LRIG1: variants seen among roughly 807,000 people sequenced by gnomAD.
The protein encoded by LRIG1 is leucine-rich repeats and immunoglobulin-like domains protein 1.
In LRIG1, 48 loss-of-function variants were observed where a neutral mutation model predicts 99.2. The ratio of observed to expected loss-of-function variants is 0.48; its 90% CI spans 0.38 to 0.62. The LOEUF (loss-of-function observed/expected upper bound fraction) is 0.62, where lower values mean the gene tolerates loss of function less well. Among genes scored for constraint, LRIG1 ranks in the 20% least tolerant of loss-of-function variants. LRIG1 has a pLI of 0.00. For missense variants in LRIG1, 1,646 were observed against 1,434.4 expected (o/e 1.15, Z -2.38); for synonymous variants, 772 against 596.1 (o/e 1.29, Z -4.30).
At chr3:66,465,778 C>T (rs892711718) in intron 1 of LRIG1, among the ~76,000 whole-genome samples, 4 of 152,110 alleles carry the variant, frequency 2.6e-5, no homozygotes, top group Admixed American at 2.0e-4. Flanking sequence ...GTTGTGCAAC[C>T]ATCACCACCG....
Position 66,381,615 on chromosome 3 carries a change from A to G in LRIG1, c.2634T>C (p.Asp878=). 1 of 1,613,966 alleles carries G rather than the reference A, an allele frequency of 6.2e-7. No individual in the cohort carries two copies. The highest frequency in any genetic ancestry group is 2.2e-5 in the East Asian group (1 of 44,882). The change falls in exon 17 of 19, where the codon GAT becomes GAC. Residue 878 remains aspartate (D), a synonymous_variant. Coordinates refer to ENST00000273261, the MANE Select transcript of LRIG1 (RefSeq NM_015541.3). ...TGTCGGGCTCTGGAAAGTGGCTTGC[A>G]TCTCTTGGACACACACCTGCAAGTG... The part of the protein sequence containing the change: ...HIESNGVCPR[D]ASHFPEPDTH...
chr3:66,423,025 T>C (rs909744132), intron 3 of LRIG1, among the ~76,000 whole-genome samples: 12 of 152,164 alleles, frequency 7.9e-5, no homozygotes, highest in African/African-American at 2.9e-4. Context: ...ACCCTCATAA[T>C]TCAATCACCT....
In LRIG1 at chr3:66,407,455, C is replaced by T; in HGVS notation, c.972G>A (p.Glu324=). The change falls in exon 8 of 19, where the codon GAG becomes GAA. Residue 324 remains glutamate, a synonymous_variant. Transcript: ENST00000273261. The part of the protein sequence containing the change: ...LSFNNLTRLD[E]ESLAELSSLS... ...GGCTGCTCAGCTCGGCCAGGCTCTCCTCGTCCAGCCGTGTCAGGTTGTTGA... is the reference window on the plus strand; with the variant it reads ...GGCTGCTCAGCTCGGCCAGGCTCTCTTCGTCCAGCCGTGTCAGGTTGTTGA... 1.2e-6 allele frequency: 2 copies of T among 1,614,028 alleles called. No individual in the cohort carries two copies. Among genetic ancestry groups the T allele is most frequent in the African/African-American group, 1.3e-5 (1 of 75,034 alleles).
chr3:66,417,467 C>A, intron 3 of LRIG1: 1 of 593,924 alleles, frequency 1.7e-6, no homozygotes, highest in Non-Finnish European at 2.9e-6. Flanking sequence ...CAATCTGGGA[C>A]AAGTTTATCA....
At chr3:66,411,020 A>C (rs1702447327) in intron 6 of LRIG1, among the ~76,000 whole-genome samples, 3 of 152,214 alleles carry the variant, frequency 2.0e-5, no homozygotes, top group Non-Finnish European at 4.4e-5. Flanking sequence ...AAACCTGCAC[A>C]TCTACTAACA....
chr3:66,423,228 A>T (rs982075942), intron 3 of LRIG1, among the ~76,000 whole-genome samples: 2 of 152,214 alleles, frequency 1.3e-5, no homozygotes, highest in African/African-American at 4.8e-5. Flanking sequence ...CATTTTAAAA[A>T]ATACTTCAGA....
chr3:66,445,990 T>C (rs917939625), intron 3 of LRIG1, among the ~76,000 whole-genome samples: 1 of 152,182 alleles, frequency 6.6e-6, no homozygotes, highest in Non-Finnish European at 1.5e-5. Flanking sequence ...ACTCTCATTA[T>C]TCCCCCCAGC....
rs142221516 is a variant in LRIG1, at chr3:66,404,583, T to C, written c.1160+615A>G. On this transcript the variant is annotated intron_variant, in intron 9 of 18. Transcript: ENST00000273261. ...GTAGTTTTGGGCGAAATCCCCTCAC[T>C]TCTCTTTCCTCAACTAATAAAGAGG... 774 of 174,604 alleles carry C rather than the reference T, an allele frequency of 4.4e-3. 10 individuals are homozygous for C. The highest frequency in any genetic ancestry group is 0.017 in the African/African-American group (728 of 41,952). The allele number at this position is 174,604 out of a possible 1,614,324, so 10.8% of individuals were successfully genotyped here.
At chr3:66,392,055 T>A (rs1210453297) in intron 12 of LRIG1, among the ~76,000 whole-genome samples, 1 of 152,202 alleles carries the variant, frequency 6.6e-6, no homozygotes, top group Non-Finnish European at 1.5e-5. Context: ...AATCATATAA[T>A]CTAATGGTCT....
chr3:66,404,430 C>T, intron 9 of LRIG1: 2 of 1,196,408 alleles, frequency 1.7e-6, no homozygotes, highest in East Asian at 5.9e-5. Context: ...CCCCTTCCTG[C>T]ACGGTCCTTG....
At chr3:66,483,820 C>T (rs528271939) in intron 1 of LRIG1, among the ~76,000 whole-genome samples, 2 of 150,354 alleles carry the variant, frequency 1.3e-5, no homozygotes, top group South Asian at 2.1e-4. Flanking sequence ...CCTCGCCAAA[C>T]GCAACACAGA....
At chr3:66,412,809 G>A (rs1048826724) in intron 6 of LRIG1, 62 bp downstream of exon 6, 53 of 1,584,098 alleles carry the variant, frequency 3.3e-5, no homozygotes, top group Non-Finnish European at 4.4e-5. Context: ...ACACACACAC[G>A]CCACATCACA....
chr3:66,423,217 A>T (rs1702874380), intron 3 of LRIG1, among the ~76,000 whole-genome samples: 1 of 152,242 alleles, frequency 6.6e-6, no homozygotes. Context: ...ATTGAACTCC[A>T]CATTTTAAAA....
intron 14 of LRIG1, 90 bp downstream of exon 14, chr3:66,383,901 A>G: frequency 3.9e-6 from 6 of 1,520,324 alleles, no homozygotes; most frequent in South Asian, 3.9e-5. Context: ...CCCACAACGC[A>G]TACCACCCCT....
intron 9 of LRIG1, 67 bp from the exon 10 acceptor site, chr3:66,399,108 A>G (rs1701963479): frequency 1.7e-6 from 2 of 1,207,720 alleles, no homozygotes; most frequent in Admixed American, 3.7e-5. Flanking sequence ...GGTTGAGAGA[A>G]AGAAAAAGAA....
At chr3:66,452,960 A>G (rs1382653106) in intron 2 of LRIG1, among the ~76,000 whole-genome samples, 2 of 152,190 alleles carry the variant, frequency 1.3e-5, no homozygotes, top group South Asian at 2.1e-4. Context: ...GTGTGTTGAA[A>G]TAGACAATTA....
At chr3:66,406,204 G>A (rs922210908) in intron 8 of LRIG1, 33 of 985,354 alleles carry the variant, frequency 3.3e-5, no homozygotes, top group Non-Finnish European at 3.5e-5. Context: ...CAGCAGGAAG[G>A]TCAAATAGTG....
intron 1 of LRIG1, among the ~76,000 whole-genome samples, chr3:66,483,179 G>A (rs1700890276): frequency 6.6e-6 from 1 of 152,144 alleles, no homozygotes; most frequent in Non-Finnish European, 1.5e-5. Context: ...AAAGAAACAT[G>A]TGAGGCTGAG....
intron 1 of LRIG1, among the ~76,000 whole-genome samples, chr3:66,487,887 T>C (rs548990135): frequency 6.6e-6 from 1 of 152,350 alleles, no homozygotes; most frequent in South Asian, 2.1e-4. Context: ...TAGTCCCTAA[T>C]TGTTGTTAAA....
Sources: allele counts gnomAD v4.1 joint callset (sites outside exome capture counted in the v4.1 genomes callset), GRCh38; gene constraint gnomAD v4.1.1; transcripts MANE v1.5; gene names NCBI Gene and HGNC (gene_info 2026-07-23, HGNC 2026-07-21).